Variants in CELF2 observed in about 807,000 individuals in gnomAD.
The protein encoded by CELF2 is CUGBP Elav-like family member 2.
Under a neutral mutation model 62.6 loss-of-function variants are expected in CELF2, and 8 were observed. The observed-to-expected ratio is 0.13, with a 90% CI of 0.07 to 0.23. The LOEUF is 0.23. CELF2 is among the 10% of genes least tolerant of loss of function. The pLI, the probability that CELF2 is intolerant of heterozygous loss-of-function variation, is 1.00. For missense variants in CELF2, 333 were observed against 671.0 expected, an observed-to-expected ratio of 0.50 and a Z score of 5.56; for synonymous variants, 258 against 250.0, an observed-to-expected ratio of 1.03 and a Z score of -0.30.
chr10:10,526,065 A>C, the CELF2 span, among the ~76,000 whole-genome samples: 1 of 152,184 alleles, frequency 6.6e-6, no homozygotes, highest in South Asian at 2.1e-4. Context: ...CTCCCTGATG[A>C]TTAGTGATGC....
rs573753464 is a variant in CELF2 at position 11,332,048 on chromosome 10, C to T, written c.*2995C>T. 1.3e-5 allele frequency: 2 copies of T among 152,082 alleles called. No individual in the cohort carries two copies. The highest frequency in any genetic ancestry group is 2.9e-5 in the Non-Finnish European group (2 of 68,032). The allele number at this position is 152,082 out of a possible 1,614,324, so 9.4% of individuals were successfully genotyped here. A position where few individuals can be genotyped will look rare whatever the true frequency, so the allele number is the denominator to read the frequency against. ...GAGGCCAATCTAAAGGGAAAAAATC[C>T]TACACTACTTTTACTACTTTTGATT... is the stretch of plus-strand genomic sequence containing the variant. On this transcript the variant is annotated 3_prime_UTR_variant, in exon 13 of 13. Coordinates refer to ENST00000633077, the MANE Select transcript of CELF2 (RefSeq NM_001326342.2).
intron 2 of CELF2, among the ~76,000 whole-genome samples, chr10:11,197,722 T>TG (rs2058318946): frequency 6.6e-6 from 1 of 152,250 alleles, no homozygotes. Flanking sequence ...TCCATCTTTA[T>TG]TCCCAAATGG....
At position 10,913,517 on chromosome 10, in the gene CELF2, A is replaced by G. The variant is rs530889298; in HGVS notation, c.54-6447A>G. The stretch of plus-strand genomic sequence containing the variant: ...GCGATTCTCCTGCCTCAGCCTCCCA[A>G]GTGGCTGGGATTACAGGCATGTGCC... On this transcript the variant is annotated intron_variant, in intron 1 of 13. Transcript: ENST00000636488. Among the ~76,000 whole-genome samples the G allele has an allele frequency of 5.8e-5, 8 of 138,840 alleles. No individual in the cohort carries two copies. The South Asian group carries it at 1.5e-3, about 26-fold the overall frequency. The allele number at this position is 138,840 out of a possible 152,430, so 91.1% of individuals were successfully genotyped here.
the CELF2 span, among the ~76,000 whole-genome samples, chr10:10,722,746 T>C: frequency 6.6e-6 from 1 of 152,118 alleles, no homozygotes; most frequent in Non-Finnish European, 1.5e-5. Context: ...CCAGGGGTGA[T>C]GGGAAAAATT....
At chr10:10,878,182 T>A (rs2061230272) in intron 1 of CELF2, among the ~76,000 whole-genome samples, 1 of 152,136 alleles carries the variant, frequency 6.6e-6, no homozygotes, top group Non-Finnish European at 1.5e-5. Context: ...TAGGATCCCA[T>A]CTATTAGATG....
At position 11,290,419 on chromosome 10, in the gene CELF2, AGCCCAC is replaced by A. The variant is rs2092339272; in HGVS notation, c.976+1869_976+1874del. On this transcript the variant is annotated intron_variant, in intron 9 of 12. Coordinates refer to ENST00000633077, the MANE Select transcript of CELF2 (RefSeq NM_001326342.2). This position sits in a 1 kb window ranked among gnomAD's most constrained non-coding sequence, Gnocchi z 4.3. ...CTCTGTGGTGGACCGCGTCCGTTCC[AGCCCAC>A]GTTGGGAGGAGTGTGAGCTTGTTGC... 6.6e-6 allele frequency among the ~76,000 whole-genome samples: 1 copy of A among 152,034 alleles called. No homozygotes were observed. Among genetic ancestry groups the A allele is most frequent in the Admixed American group, 6.5e-5 (1 of 15,268 alleles).
chr10:10,870,335 G>A (rs1218343563), intron 1 of CELF2, among the ~76,000 whole-genome samples: 1 of 150,698 alleles, frequency 6.6e-6, no homozygotes, highest in Non-Finnish European at 1.5e-5. Context: ...CCTATCTCGG[G>A]GTATATATAT....
At chr10:10,620,917 CAAAAAAAAAAAAAAAA>C in the CELF2 span, among the ~76,000 whole-genome samples, 2 of 35,794 alleles carry the variant, frequency 5.6e-5, no homozygotes, top group East Asian at 1.1e-3. Context: ...GACCCCATCT[CAAAAAAAAAAAAAAAA>C]AAAAAAAAGG....
At chr10:10,496,224 C>T in the CELF2 span, among the ~76,000 whole-genome samples, 23 of 152,322 alleles carry the variant, frequency 1.5e-4, no homozygotes, top group African/African-American at 5.3e-4. Flanking sequence ...ATAAGCCACA[C>T]TTTCCTTCTA....
chr10:10,914,386 G>A (rs1025230110), intron 1 of CELF2, among the ~76,000 whole-genome samples: 7 of 152,184 alleles, frequency 4.6e-5, no homozygotes, highest in African/African-American at 1.7e-4. Flanking sequence ...GACAGGAGAT[G>A]ACGAGGGAAT....
chr10:10,720,959 A>C, the CELF2 span, among the ~76,000 whole-genome samples: 1 of 152,242 alleles, frequency 6.6e-6, no homozygotes, highest in Non-Finnish European at 1.5e-5. Flanking sequence ...TTTAAAACCC[A>C]CTGGATGTGA....
intron 1 of CELF2, among the ~76,000 whole-genome samples, chr10:10,814,362 T>C (rs1022023758): frequency 2.0e-5 from 3 of 152,014 alleles, no homozygotes; most frequent in Non-Finnish European, 4.4e-5. Context: ...TTGGTCTGTA[T>C]CCATGATTGC....
chr10:11,304,637 T>C (rs1468283546), intron 9 of CELF2, among the ~76,000 whole-genome samples: 1 of 152,184 alleles, frequency 6.6e-6, no homozygotes, highest in Non-Finnish European at 1.5e-5. Flanking sequence ...TCCACTCCTG[T>C]TACATAACCC....
chr10:11,332,415 C>T lies in CELF2; in HGVS notation c.*3362C>T, dbSNP rs1245181121. 6.6e-6 allele frequency: 1 copy of T among 152,374 alleles called. No homozygotes were observed. Among genetic ancestry groups the T allele is most frequent in the Non-Finnish European group, 1.5e-5 (1 of 68,024 alleles). The allele number at this position is 152,374 out of a possible 1,614,324, so 9.4% of individuals were successfully genotyped here. On this transcript the variant is annotated 3_prime_UTR_variant, in exon 13 of 13. Transcript: ENST00000633077. ...GTGTCTGGAGTTAGAAGCCCATAGCCCTTTCCCAGCCTTTTTGGTTTTTTT... is the reference window on the plus strand; with the variant it reads ...GTGTCTGGAGTTAGAAGCCCATAGCTCTTTCCCAGCCTTTTTGGTTTTTTT...
At chr10:10,676,413 G>T in the CELF2 span, among the ~76,000 whole-genome samples, 2 of 152,194 alleles carry the variant, frequency 1.3e-5, no homozygotes, top group African/African-American at 4.8e-5. Flanking sequence ...CTTTTCCTAA[G>T]GGTAGACTTT....
At chr10:11,100,030 G>A (rs923304108) in intron 1 of CELF2, among the ~76,000 whole-genome samples, 1 of 151,512 alleles carries the variant, frequency 6.6e-6, no homozygotes, top group African/African-American at 2.4e-5. Context: ...GCGAAACCCC[G>A]TCCCTACTAA....
At chr10:11,213,117 C>T (rs1478124216) in intron 2 of CELF2, among the ~76,000 whole-genome samples, 2 of 152,202 alleles carry the variant, frequency 1.3e-5, no homozygotes, top group Admixed American at 6.5e-5. Flanking sequence ...CGAGGCCTCT[C>T]ACTCCACTCC....
intron 4 of CELF2, among the ~76,000 whole-genome samples, chr10:11,251,693 G>A (rs974048705): frequency 2.0e-5 from 3 of 152,026 alleles, no homozygotes; most frequent in South Asian, 2.1e-4. Context: ...GCTGTGAGAG[G>A]GGGCTACAGT....
At chr10:11,236,711 C>T (rs560686207) in intron 3 of CELF2, among the ~76,000 whole-genome samples, 10 of 152,290 alleles carry the variant, frequency 6.6e-5, no homozygotes, top group African/African-American at 1.4e-4. Flanking sequence ...ACTACAAAAA[C>T]GGCAATTTCA....
Sources: gnomAD v4.1 joint callset for allele counts (sites outside exome capture counted in the v4.1 genomes callset) on GRCh38, gnomAD v4.1.1 for gene constraint, Gnocchi (gnomAD v3.1) non-coding constraint, MANE v1.5 for transcripts, NCBI Gene and HGNC (gene_info 2026-07-23, HGNC 2026-07-21) for gene names.